CBFA2T2: variants seen among roughly 807,000 people sequenced by gnomAD.
The protein encoded by CBFA2T2 is CBFA2/RUNX1 partner transcriptional co-repressor 2, also known as protein CBFA2T2.
Under a neutral mutation model 62.2 loss-of-function variants are expected in CBFA2T2, and 11 were observed. That is an observed-to-expected ratio of 0.18 (90% confidence interval 0.11 to 0.29). The LOEUF is 0.29. Ranked by LOEUF, CBFA2T2 falls within the 10% of genes least tolerant of loss-of-function variation. The pLI is 1.00. For synonymous variants in CBFA2T2, 295 were observed against 287.5 expected (o/e 1.03, Z -0.27); for missense variants, 592 against 774.1 (o/e 0.76, Z 2.79).
intron 1 of CBFA2T2, among the ~76,000 whole-genome samples, chr20:33,500,550 A>G (rs1196904217): frequency 1.3e-5 from 2 of 152,028 alleles, no homozygotes; most frequent in African/African-American, 4.8e-5. Flanking sequence ...TCTCTAATAA[A>G]AATACAAAAT....
At chr20:33,584,421 T>G (rs982723097) in intron 1 of CBFA2T2, among the ~76,000 whole-genome samples, 3 of 151,790 alleles carry the variant, frequency 2.0e-5, no homozygotes, top group Non-Finnish European at 2.9e-5. Context: ...GCCTGGCTAA[T>G]TTTTTTGGTA....
chr20:33,529,773 ATATATATATT>A (rs1344078840), intron 1 of CBFA2T2, among the ~76,000 whole-genome samples: 1 of 27,178 alleles, frequency 3.7e-5, no homozygotes, highest in East Asian at 1.6e-3. Context: ...ATATATATAT[ATATATATATT>A]TCTTTTTTTT....
intron 1 of CBFA2T2, among the ~76,000 whole-genome samples, chr20:33,565,459 A>G (rs568902870): frequency 8.5e-5 from 13 of 152,270 alleles, no homozygotes; most frequent in African/African-American, 2.9e-4. Context: ...AGGGCCTACT[A>G]TAGAGGGCCT....
Position 33,645,781 on chromosome 20 carries a change from A to G in CBFA2T2, c.*1135A>G, listed in dbSNP as rs552737185. 6.6e-6 allele frequency: 1 copy of G among 152,340 alleles called. No individual in the cohort carries two copies. The highest frequency in any genetic ancestry group is 2.1e-4 in the South Asian group (1 of 4,830). The allele number at this position is 152,340 out of a possible 1,614,324, so 9.4% of individuals were successfully genotyped here. Reference sequence around the variant, plus strand: ...GTCATTATATCTACTATGTTGATTTATCATCAGGCACACAACTTCTGTTTC... The same window carrying G: ...GTCATTATATCTACTATGTTGATTTGTCATCAGGCACACAACTTCTGTTTC... On this transcript the variant is annotated 3_prime_UTR_variant, in exon 11 of 11. Coordinates refer to ENST00000342704, the MANE Select transcript of CBFA2T2 (RefSeq NM_001032999.3).
At chr20:33,588,770 A>G (rs2014487727) in intron 1 of CBFA2T2, among the ~76,000 whole-genome samples, 1 of 152,126 alleles carries the variant, frequency 6.6e-6, no homozygotes, top group Non-Finnish European at 1.5e-5. Flanking sequence ...AACATGATGA[A>G]ACCCCGTCTC....
chr20:33,536,478 A>AC (rs545075077), intron 1 of CBFA2T2, among the ~76,000 whole-genome samples: 194 of 134,656 alleles, frequency 1.4e-3, no homozygotes, highest in African/African-American at 4.5e-3. Context: ...GCGGGGGCTG[A>AC]CCCCCACCTC....
At chr20:33,551,693 G>A (rs1366375522) in intron 1 of CBFA2T2, among the ~76,000 whole-genome samples, 10 of 150,646 alleles carry the variant, frequency 6.6e-5, no homozygotes, top group African/African-American at 2.2e-4. Flanking sequence ...CACCACGCCC[G>A]GCTAATTTTT....
At chr20:33,558,137 T>TC (rs950664240) in intron 1 of CBFA2T2, among the ~76,000 whole-genome samples, 5 of 134,290 alleles carry the variant, frequency 3.7e-5, no homozygotes, top group African/African-American at 1.2e-4. Context: ...GCGCTCTCTC[T>TC]TTTTTTTTTT....
chr20:33,576,123 G>A (rs1339184989), intron 1 of CBFA2T2, among the ~76,000 whole-genome samples: 1 of 152,126 alleles, frequency 6.6e-6, no homozygotes, highest in Non-Finnish European at 1.5e-5. Context: ...GAGTCCAAAT[G>A]TGGGAGGTTT....
In CBFA2T2 at chr20:33,644,514, T is replaced by C. The variant is rs146997148; in HGVS notation, c.1656T>C (p.Pro552=). 10 of 1,614,008 alleles carry C rather than the reference T, an allele frequency of 6.2e-6. No individual in the cohort carries two copies. The highest frequency in any genetic ancestry group is 4.2e-6 in the Non-Finnish European group (5 of 1,180,026). ...SPHGQGRPLL[P]VGRGSSARSA... ...ACGGCCAGGGCCGGCCGCTGCTTCC[T>C]GTAGGCAGGGGCTCCTCTGCCAGGT... The change falls in exon 11 of 11, where the codon CCT becomes CCC. Residue 552 remains proline, a synonymous_variant. Coordinates refer to ENST00000342704, the MANE Select transcript of CBFA2T2 (RefSeq NM_001032999.3).
rs557225778 is a variant in CBFA2T2 at position 33,595,545 on chromosome 20, A to T, written c.35-11411A>T. ...ATACGGTACTTGTTTTTTAATTTTC[A>T]TTTTTTTTTTAATTTATTTTTTTTG... On this transcript the variant is annotated intron_variant, in intron 1 of 10. Coordinates refer to ENST00000342704, the MANE Select transcript of CBFA2T2 (RefSeq NM_001032999.3). 3.1e-3 allele frequency among the ~76,000 whole-genome samples: 438 copies of T among 140,668 alleles called. 2 individuals carry two copies. The highest frequency in any genetic ancestry group is 4.8e-3 in the Non-Finnish European group (308 of 64,578). 92.3% of individuals were successfully genotyped at this position (140,668 alleles called of 152,430 possible). A position where few individuals can be genotyped will look rare whatever the true frequency, so the allele number is the denominator to read the frequency against.
rs55635841 is a variant in CBFA2T2, at chr20:33,550,608, G to GTTATTTATTTATTTATTTAT, written c.35-56339_35-56320dup. Among the ~76,000 whole-genome samples, 651 of 150,204 alleles carry GTTATTTATTTATTTATTTAT rather than the reference G, an allele frequency of 4.3e-3. 8 individuals carry two copies. Among genetic ancestry groups the GTTATTTATTTATTTATTTAT allele is most frequent in the African/African-American group, 0.015 (608 of 40,704 alleles). On this transcript the variant is annotated intron_variant, in intron 1 of 10. Coordinates refer to ENST00000342704, the MANE Select transcript of CBFA2T2 (RefSeq NM_001032999.3). The stretch of plus-strand genomic sequence containing the variant: ...ACTCAAAGTCTGAAGTACTAATGTG[G>GTTATTTATTTATTTATTTAT]TTATTTATTTATTTATTTATTTATT...
intron 10 of CBFA2T2, among the ~76,000 whole-genome samples, chr20:33,641,469 A>C (rs2016835521): frequency 6.6e-6 from 1 of 152,208 alleles, no homozygotes; most frequent in South Asian, 2.1e-4. Flanking sequence ...GCCCTTTTGA[A>C]TTTAATGCAG....
chr20:33,577,483 A>G (rs914952991), intron 1 of CBFA2T2, among the ~76,000 whole-genome samples: 1 of 152,088 alleles, frequency 6.6e-6, no homozygotes, highest in Non-Finnish European at 1.5e-5. Context: ...CTCCTACATA[A>G]CAGCTTCTAT....
intron 1 of CBFA2T2, among the ~76,000 whole-genome samples, chr20:33,554,017 G>A (rs1013029249): frequency 2.0e-5 from 3 of 151,860 alleles, no homozygotes; most frequent in African/African-American, 7.2e-5. Flanking sequence ...TAAAAAGATT[G>A]GTTTGGTTTT....
At chr20:33,512,979 C>T (rs933586490) in intron 1 of CBFA2T2, among the ~76,000 whole-genome samples, 1 of 152,076 alleles carries the variant, frequency 6.6e-6, no homozygotes. Context: ...GTCTCGATCT[C>T]CTGACCTTGT....
intron 5 of CBFA2T2, among the ~76,000 whole-genome samples, chr20:33,624,241 A>G (rs2016125453): frequency 6.8e-6 from 1 of 147,342 alleles, no homozygotes; most frequent in Admixed American, 6.6e-5. Context: ...AAAAGTAAAA[A>G]AAAAAAAAAA....
chr20:33,552,521 C>T (rs78908505), intron 1 of CBFA2T2, among the ~76,000 whole-genome samples: 6,097 of 152,206 alleles, frequency 0.04, 175 homozygotes, highest in Middle Eastern at 0.068. Flanking sequence ...AAAAGGAAGA[C>T]ACTATTTTCT....
rs552298247 is a variant in CBFA2T2 at position 33,499,589 on chromosome 20, T to G, written c.34+9288T>G. Among the ~76,000 whole-genome samples the G allele has an allele frequency of 3.3e-5, 5 of 152,288 alleles. No individual in the cohort carries two copies. The South Asian group carries it at 6.2e-4, about 19-fold the overall frequency. On this transcript the variant is annotated intron_variant, in intron 1 of 10. Transcript: ENST00000342704. Reference sequence around the variant, plus strand: ...TGAGGCTATCTGAAATTTTAGGAGTTGGGGTACCATAACTTGAACTTTTGA... The same window carrying G: ...TGAGGCTATCTGAAATTTTAGGAGTGGGGGTACCATAACTTGAACTTTTGA...
Sources: allele counts gnomAD v4.1 joint callset (sites outside exome capture counted in the v4.1 genomes callset), GRCh38; gene constraint gnomAD v4.1.1; transcripts MANE v1.5; gene names NCBI Gene and HGNC (gene_info 2026-07-23, HGNC 2026-07-21).